FZD6: variants seen among roughly 807,000 people sequenced by gnomAD.
FZD6 encodes the protein frizzled-6.
FZD6 carries 49 observed loss-of-function variants against 61.4 expected under a neutral mutation model. The observed-to-expected ratio is 0.80, with a 90% CI of 0.63 to 1.01. The LOEUF is 1.01. FZD6 is among the 50% of genes least tolerant of loss of function. The pLI, the probability that FZD6 is intolerant of heterozygous loss-of-function variation, is 0.00. For missense variants in FZD6, 724 were observed against 848.2 expected, an observed-to-expected ratio of 0.85 and a Z score of 1.82; for synonymous variants, 265 against 292.2, an observed-to-expected ratio of 0.91 and a Z score of 0.95.
chr8:103,328,138 A>G, intron 4 of FZD6, 130 bp from the exon 5 acceptor site: 3 of 696,860 alleles, frequency 4.3e-6, no homozygotes, highest in Non-Finnish European at 7.5e-6. Flanking sequence ...ATGCTTCATT[A>G]TATTATTTCA....
chr8:103,325,141 G>A lies in FZD6; in HGVS notation c.1035G>A (p.Met345Ile). The change falls in exon 4 of 7, where the codon ATG (methionine) becomes ATA (isoleucine). Residue 345 changes from methionine to isoleucine, a missense_variant. Transcript: ENST00000358755. ...TCCTGACTGTTATGCTTCTTGCTATGAACAAAGTTGAAGGAGACAACATTA... is the reference window on the plus strand; with the variant it reads ...TCCTGACTGTTATGCTTCTTGCTATAAACAAAGTTGAAGGAGACAACATTA... ...PGFLTVMLLA[M>I]NKVEGDNISG... 6.2e-7 allele frequency: 1 copy of A among 1,614,084 alleles called. No individual in the cohort carries two copies. Among genetic ancestry groups the A allele is most frequent in the Non-Finnish European group, 8.5e-7 (1 of 1,179,944 alleles).
At chr8:103,331,018 A>G (rs886126675) in intron 6 of FZD6, among the ~76,000 whole-genome samples, 5 of 152,156 alleles carry the variant, frequency 3.3e-5, no homozygotes, top group African/African-American at 1.2e-4. Context: ...TCTACTGAAA[A>G]TACAAAAAAT....
At chr8:103,307,923 G>T (rs1401643761) in intron 2 of FZD6, 1 of 455,928 alleles carries the variant, frequency 2.2e-6, no homozygotes, top group South Asian at 1.5e-5. Context: ...ATTTCAGTGA[G>T]GACAACTCTT....
At chr8:103,299,838 A>G (rs1167155744) in intron 1 of FZD6, 118 bp from the exon 2 acceptor site, 5 of 420,120 alleles carry the variant, frequency 1.2e-5, no homozygotes, top group Non-Finnish European at 1.8e-5. Flanking sequence ...TTAGGACAGA[A>G]TTTTCCGTTG....
chr8:103,319,545 A>T (rs1479403441), intron 3 of FZD6, among the ~76,000 whole-genome samples: 1 of 152,130 alleles, frequency 6.6e-6, no homozygotes, highest in East Asian at 1.9e-4. Context: ...GGAATCCAGG[A>T]CACTTCCATC....
chr8:103,321,272 A>C (rs1814779827), intron 3 of FZD6, among the ~76,000 whole-genome samples: 1 of 152,184 alleles, frequency 6.6e-6, no homozygotes, highest in South Asian at 2.1e-4. Context: ...TCATTTTTTA[A>C]AATTATTTAA....
chr8:103,321,122 T>G (rs1185998060), intron 3 of FZD6, among the ~76,000 whole-genome samples: 1 of 152,192 alleles, frequency 6.6e-6, no homozygotes, highest in African/African-American at 2.4e-5. Flanking sequence ...TTAAAAAAAT[T>G]TACACTGGCA....
In FZD6 at chr8:103,328,428, T is replaced by C; in HGVS notation, c.1541+12T>C. On this transcript the variant is annotated intron_variant, in intron 5 of 6. Transcript: ENST00000358755. The stretch of plus-strand genomic sequence containing the variant: ...AATCGCAAGAGAGAGTAAGAAACTA[T>C]TGAATTGTCTGACACAATTTTTAAA... The C allele has an allele frequency of 2.5e-6, 4 of 1,590,642 alleles. No individual in the cohort carries two copies. Among genetic ancestry groups the C allele is most frequent in the Non-Finnish European group, 3.5e-6 (4 of 1,158,722 alleles).
chr8:103,313,719 G>A (rs1201514863), intron 2 of FZD6, among the ~76,000 whole-genome samples: 1 of 151,610 alleles, frequency 6.6e-6, no homozygotes, highest in Non-Finnish European at 1.5e-5. Flanking sequence ...GAACTTGGAA[G>A]TTGGTAGCCC....
chr8:103,315,939 G>A (rs1392995921), intron 2 of FZD6, among the ~76,000 whole-genome samples: 4 of 152,072 alleles, frequency 2.6e-5, no homozygotes, highest in African/African-American at 4.8e-5. Flanking sequence ...TAACTAACAG[G>A]TTTACTCTGT....
chr8:103,300,140 T>A lies in FZD6; in HGVS notation c.33T>A (p.Ile11=). 1 of 1,604,766 alleles carries A rather than the reference T, an allele frequency of 6.2e-7. No homozygotes were observed. The highest frequency in any genetic ancestry group is 1.1e-5 in the South Asian group (1 of 90,878). Residue 11 remains isoleucine, a synonymous_variant, in exon 2 of 7, where the codon ATT becomes ATA. Transcript: ENST00000358755. The part of the protein sequence containing the change: MEMFTFLLTC[I]FLPLLRGHSL... Reference sequence around the variant, plus strand: ...TGTTTACATTTTTGTTGACGTGTATTTTTCTACCCCTCCTAAGAGGGCACA... The same window carrying A: ...TGTTTACATTTTTGTTGACGTGTATATTTCTACCCCTCCTAAGAGGGCACA...
intron 2 of FZD6, among the ~76,000 whole-genome samples, chr8:103,313,716 G>T (rs1055508258): frequency 6.5e-4 from 99 of 151,478 alleles, no homozygotes; most frequent in African/African-American, 2.1e-3. Flanking sequence ...ACTGAACTTG[G>T]AAGTTGGTAG....
intron 2 of FZD6, among the ~76,000 whole-genome samples, chr8:103,311,455 T>C (rs1814493772): frequency 6.6e-6 from 1 of 152,026 alleles, no homozygotes. Flanking sequence ...ACAGTGTTAC[T>C]CTCTGGGAAC....
chr8:103,317,405 T>C (rs755329282), intron 2 of FZD6, among the ~76,000 whole-genome samples: 9 of 152,144 alleles, frequency 5.9e-5, no homozygotes, highest in Non-Finnish European at 1.3e-4. Context: ...AAGAATCGCA[T>C]TGGTTGGAAA....
chr8:103,320,110 G>A (rs1814741433), intron 3 of FZD6, among the ~76,000 whole-genome samples: 1 of 152,172 alleles, frequency 6.6e-6, no homozygotes, highest in Admixed American at 6.5e-5. Flanking sequence ...GATATAGTAG[G>A]TTTGTGTGTT....
chr8:103,318,764 C>A lies in FZD6; in HGVS notation c.352C>A (p.Pro118Thr). The change falls in exon 3 of 7, where the codon CCT becomes ACT. Residue 118 changes from proline (P) to threonine (T), a missense_variant. Physicochemically the swap from Pro to Thr is conservative, Grantham distance 38. Coordinates refer to ENST00000358755, the MANE Select transcript of FZD6 (RefSeq NM_003506.4). ...KLIDTFGIRW[P>T]EELECDRLQY... ...AATTGACACTTTTGGGATCCGATGG[C>A]CTGAGGAGCTTGAATGTGACAGGTA... The A allele has an allele frequency of 6.2e-7, 1 of 1,604,844 alleles. No homozygotes were observed. The highest frequency in any genetic ancestry group is 8.5e-7 in the Non-Finnish European group (1 of 1,171,678).
At position 103,328,312 on chromosome 8, in the gene FZD6, A is replaced by G; in HGVS notation, c.1437A>G (p.Lys479=). Reference sequence around the variant, plus strand: ...CAGAATTGGCTTTATTTATGATAAAATACCTGATGACATTAATTGTTGGCA... The same window carrying G: ...CAGAATTGGCTTTATTTATGATAAAGTACCTGATGACATTAATTGTTGGCA... ...ARPELALFMI[K]YLMTLIVGIS... is the part of the protein sequence containing the mutation. The change falls in exon 5 of 7, where the codon AAA becomes AAG. Residue 479 remains lysine, a synonymous_variant. Coordinates refer to ENST00000358755, the MANE Select transcript of FZD6 (RefSeq NM_003506.4). The G allele has an allele frequency of 6.2e-7, 1 of 1,611,314 alleles. No homozygotes were observed.
intron 2 of FZD6, among the ~76,000 whole-genome samples, chr8:103,302,027 T>C (rs1379909149): frequency 1.4e-5 from 2 of 140,382 alleles, no homozygotes; most frequent in African/African-American, 2.5e-5. Context: ...TCATAGCCTT[T>C]ACTAATGAAG....
At position 103,300,148 on chromosome 8, in the gene FZD6, C is replaced by T. The variant is rs1428125576; in HGVS notation, c.41C>T (p.Pro14Leu). The part of the protein sequence containing the change: ...FTFLLTCIFL[P>L]LLRGHSLFTC... ...TTTTTGTTGACGTGTATTTTTCTAC[C>T]CCTCCTAAGAGGGCACAGTCTCTTC... Residue 14 changes from proline (P) to leucine (L), a missense_variant, in exon 2 of 7, where the codon CCC becomes CTC. Coordinates refer to ENST00000358755, the MANE Select transcript of FZD6 (RefSeq NM_003506.4). The T allele has an allele frequency of 6.2e-7, 1 of 1,604,012 alleles. No individual in the cohort carries two copies. Among genetic ancestry groups the T allele is most frequent in the Admixed American group, 1.7e-5 (1 of 59,982 alleles).
Sources: allele counts gnomAD v4.1 joint callset (sites outside exome capture counted in the v4.1 genomes callset), GRCh38; gene constraint gnomAD v4.1.1; transcripts MANE v1.5; gene names NCBI Gene and HGNC (gene_info 2026-07-23, HGNC 2026-07-21).